MYRIP: variants seen among roughly 807,000 people sequenced by gnomAD.
The protein encoded by MYRIP is myosin VIIA and Rab interacting protein.
Under a neutral mutation model 98.0 loss-of-function variants are expected in MYRIP, and 49 were observed. The ratio of observed to expected loss-of-function variants is 0.50; its 90% CI spans 0.40 to 0.63. The LOEUF is 0.63. Ranked by LOEUF, MYRIP falls within the 30% of genes least tolerant of loss-of-function variation. The pLI is 0.00. For synonymous variants in MYRIP, 404 were observed against 409.5 expected (o/e 0.99, Z 0.16); for missense variants, 1,004 against 1,058.2 (o/e 0.95, Z 0.71).
At chr3:40,073,123 C>T (rs1291034064) in intron 3 of MYRIP, among the ~76,000 whole-genome samples, 1 of 152,116 alleles carries the variant, frequency 6.6e-6, no homozygotes, top group Non-Finnish European at 1.5e-5. Flanking sequence ...GAAGGAGAAG[C>T]TAAAATTATC....
At chr3:40,082,300 G>A (rs913881372) in intron 3 of MYRIP, among the ~76,000 whole-genome samples, 1 of 152,178 alleles carries the variant, frequency 6.6e-6, no homozygotes, top group Non-Finnish European at 1.5e-5. Context: ...GCACTCTCAT[G>A]TTCATCACAG....
At chr3:39,846,705 T>C (rs961615869) in intron 1 of MYRIP, among the ~76,000 whole-genome samples, 12 of 152,220 alleles carry the variant, frequency 7.9e-5, no homozygotes, top group Non-Finnish European at 1.8e-4. Context: ...TCTGTTAAGA[T>C]TAATGTTAGG....
At chr3:40,068,144 C>A (rs1285766665) in intron 3 of MYRIP, among the ~76,000 whole-genome samples, 1 of 152,100 alleles carries the variant, frequency 6.6e-6, no homozygotes, top group African/African-American at 2.4e-5. Flanking sequence ...GGTTATTTTC[C>A]TAAGAAAAAC....
intron 2 of MYRIP, among the ~76,000 whole-genome samples, chr3:39,959,219 C>T (rs1945255288): frequency 6.6e-6 from 1 of 152,148 alleles, no homozygotes; most frequent in Non-Finnish European, 1.5e-5. Context: ...AAGACACATG[C>T]ACACGTATGT....
chr3:40,135,596 TTGAAA>T (rs1949746656), intron 3 of MYRIP, among the ~76,000 whole-genome samples: 1 of 151,952 alleles, frequency 6.6e-6, no homozygotes, highest in Non-Finnish European at 1.5e-5. Context: ...TTCACCAAAC[TTGAAA>T]TGAAGGAAAA....
chr3:40,212,212 G>GTATA lies in MYRIP; in HGVS notation c.1905+2130_1905+2133dup, dbSNP rs746573780. On this transcript the variant is annotated intron_variant, in intron 11 of 16. Transcript: ENST00000302541. Reference sequence around the variant, plus strand: ...TGTATATACATATATATACGTGTGTGTATATATATATATACACACACACAC... The same window carrying GTATA: ...TGTATATACATATATATACGTGTGTGTATATATATATATATATACACACACACAC... 2.6e-3 allele frequency among the ~76,000 whole-genome samples: 118 copies of GTATA among 45,260 alleles called. 21 individuals carry two copies. Among genetic ancestry groups the GTATA allele is most frequent in the African/African-American group, 5.2e-3 (93 of 18,000 alleles). The allele number at this position is 45,260 out of a possible 152,430, so 29.7% of individuals were successfully genotyped here.
chr3:40,151,809 G>C (rs753092545), intron 4 of MYRIP, among the ~76,000 whole-genome samples: 2 of 152,156 alleles, frequency 1.3e-5, no homozygotes, highest in Non-Finnish European at 2.9e-5. Flanking sequence ...CTTCCAAAAA[G>C]GCTGTTTCTT....
At chr3:40,217,624 T>C (rs1952164241) in intron 11 of MYRIP, among the ~76,000 whole-genome samples, 1 of 152,164 alleles carries the variant, frequency 6.6e-6, no homozygotes, top group Non-Finnish European at 1.5e-5. Flanking sequence ...CAGCAGTGAC[T>C]GGTAGCCTTT....
intron 1 of MYRIP, among the ~76,000 whole-genome samples, chr3:39,883,801 G>T (rs1943218283): frequency 6.6e-6 from 1 of 151,938 alleles, no homozygotes; most frequent in African/African-American, 2.4e-5. Flanking sequence ...AAAACAAAAG[G>T]ATATAAAACC....
At chr3:39,963,910 C>T (rs990967190) in intron 2 of MYRIP, among the ~76,000 whole-genome samples, 1 of 151,926 alleles carries the variant, frequency 6.6e-6, no homozygotes, top group African/African-American at 2.4e-5. Context: ...TGAGAATAGC[C>T]CGGAAGGATT....
chr3:40,115,812 T>G (rs1949262677), intron 3 of MYRIP, among the ~76,000 whole-genome samples: 1 of 151,698 alleles, frequency 6.6e-6, no homozygotes, highest in African/African-American at 2.4e-5. Context: ...TTTTTTTATG[T>G]GATGCTCTTT....
chr3:39,877,215 G>C (rs545925754), intron 1 of MYRIP, among the ~76,000 whole-genome samples: 11 of 152,224 alleles, frequency 7.2e-5, no homozygotes, highest in African/African-American at 2.6e-4. Context: ...GCACTTCTCT[G>C]TATTGGTTGT....
intron 3 of MYRIP, among the ~76,000 whole-genome samples, chr3:40,139,317 A>G (rs1006683294): frequency 5.3e-5 from 8 of 152,306 alleles, no homozygotes; most frequent in African/African-American, 1.7e-4. Flanking sequence ...ACGGGTTTTG[A>G]CAAATATATA....
At chr3:39,933,449 A>G (rs184179772) in intron 2 of MYRIP, among the ~76,000 whole-genome samples, 1 of 152,352 alleles carries the variant, frequency 6.6e-6, no homozygotes. Flanking sequence ...CTGTAGGTTT[A>G]TGCTTTCATA....
intron 1 of MYRIP, among the ~76,000 whole-genome samples, chr3:39,866,628 G>T (rs1942636321): frequency 6.6e-6 from 1 of 151,946 alleles, no homozygotes; most frequent in African/African-American, 2.4e-5. Context: ...ATTTGCCCAT[G>T]GTGGTAAAAG....
At chr3:40,251,139 C>T (rs1222615531) in intron 15 of MYRIP, among the ~76,000 whole-genome samples, 1 of 152,116 alleles carries the variant, frequency 6.6e-6, no homozygotes, top group East Asian at 1.9e-4. Flanking sequence ...AACAAATGCC[C>T]CAGGTTCAGA....
At chr3:40,198,359 C>G (rs1269621508) in intron 10 of MYRIP, among the ~76,000 whole-genome samples, 1 of 151,994 alleles carries the variant, frequency 6.6e-6, no homozygotes, top group African/African-American at 2.4e-5. Flanking sequence ...ATTTCTGGAC[C>G]AAGATTGGAG....
intron 3 of MYRIP, among the ~76,000 whole-genome samples, chr3:40,133,490 T>G (rs2693480): frequency 0.36 from 55,035 of 151,926 alleles, 11,691 homozygotes; most frequent in Non-Finnish European, 0.48. Context: ...TGCTGTGAGG[T>G]GTTGTGATAA....
chr3:39,812,353 C>A (rs2125561755), intron 1 of MYRIP, among the ~76,000 whole-genome samples: 1 of 152,186 alleles, frequency 6.6e-6, no homozygotes, highest in East Asian at 1.9e-4. Flanking sequence ...TAAATGCAAT[C>A]CAAGAGTAGT....
Sources: gnomAD v4.1 joint callset for allele counts (sites outside exome capture counted in the v4.1 genomes callset) on GRCh38, gnomAD v4.1.1 for gene constraint, MANE v1.5 for transcripts, NCBI Gene and HGNC (gene_info 2026-07-23, HGNC 2026-07-21) for gene names.